Variants in MACROD2 observed in about 807,000 individuals in gnomAD.
The protein encoded by MACROD2 is ADP-ribose glycohydrolase MACROD2.
In MACROD2, 36 loss-of-function variants were observed where a neutral mutation model predicts 70.4. The ratio of observed to expected loss-of-function variants is 0.51; its 90% CI spans 0.39 to 0.68. The LOEUF is 0.68. MACROD2 is among the 30% of genes least tolerant of loss of function. The pLI is 0.00. For missense variants in MACROD2, 496 were observed against 538.4 expected, an observed-to-expected ratio of 0.92 and a Z score of 0.78; for synonymous variants, 172 against 178.8, an observed-to-expected ratio of 0.96 and a Z score of 0.30.
At chr20:14,340,271 G>A (rs888132766) in intron 3 of MACROD2, among the ~76,000 whole-genome samples, 1 of 152,176 alleles carries the variant, frequency 6.6e-6, no homozygotes, top group African/African-American at 2.4e-5. Flanking sequence ...ATGGGCTTCA[G>A]AGATTAGCAC....
At chr20:15,188,819 A>G (rs561536148) in intron 5 of MACROD2, among the ~76,000 whole-genome samples, 37 of 152,218 alleles carry the variant, frequency 2.4e-4, no homozygotes, top group African/African-American at 8.7e-4. Flanking sequence ...GTCCCCCCTA[A>G]AATAGTAAGA....
intron 8 of MACROD2, among the ~76,000 whole-genome samples, chr20:15,634,592 C>T (rs556387822): frequency 3.3e-5 from 5 of 152,316 alleles, no homozygotes; most frequent in Admixed American, 6.5e-5. Context: ...ACGTTACTTA[C>T]CTTATGGGGA....
At chr20:15,341,735 G>T (rs2078111932) in intron 6 of MACROD2, among the ~76,000 whole-genome samples, 1 of 152,150 alleles carries the variant, frequency 6.6e-6, no homozygotes, top group African/African-American at 2.4e-5. Flanking sequence ...AATGAAAGAA[G>T]TAAAAGTAGA....
At chr20:15,372,950 G>T (rs908230469) in intron 6 of MACROD2, among the ~76,000 whole-genome samples, 1 of 152,106 alleles carries the variant, frequency 6.6e-6, no homozygotes, top group East Asian at 1.9e-4. Flanking sequence ...TGCTTGGGAG[G>T]TTGGGGCAGA....
rs73597704 is a variant in MACROD2 at position 15,898,786 on chromosome 20, G to T, written c.775+12975G>T. ...CTTGATCCTGGCACTTTATCATTTCGGTTTCAAGAATTTCCCTTACAAAAG... is the reference window on the plus strand; with the variant it reads ...CTTGATCCTGGCACTTTATCATTTCTGTTTCAAGAATTTCCCTTACAAAAG... On this transcript the variant is annotated intron_variant, in intron 10 of 17. Coordinates refer to ENST00000684519, the MANE Select transcript of MACROD2 (RefSeq NM_001351661.2). 3.9e-3 allele frequency among the ~76,000 whole-genome samples: 586 copies of T among 151,772 alleles called. 2 individuals carry two copies. The highest frequency in any genetic ancestry group is 0.023 in the South Asian group (112 of 4,798).
intron 4 of MACROD2, among the ~76,000 whole-genome samples, chr20:14,563,897 C>A (rs560964342): frequency 3.4e-4 from 52 of 151,938 alleles, no homozygotes; most frequent in Middle Eastern, 3.4e-3. Flanking sequence ...TGAAAGCAAT[C>A]GTAAGCAAAA....
intron 3 of MACROD2, among the ~76,000 whole-genome samples, chr20:14,135,579 G>T (rs1206442286): frequency 1.3e-5 from 2 of 152,062 alleles, no homozygotes; most frequent in African/African-American, 2.4e-5. Flanking sequence ...GAGAGGCTGA[G>T]GTGGGAAGAT....
At chr20:15,541,314 A>G (rs1195562255) in intron 8 of MACROD2, among the ~76,000 whole-genome samples, 2 of 152,190 alleles carry the variant, frequency 1.3e-5, no homozygotes, top group East Asian at 3.9e-4. Flanking sequence ...TTGAATTTAA[A>G]AAGTATTTAA....
chr20:14,495,296 T>C (rs2084841114), intron 4 of MACROD2, among the ~76,000 whole-genome samples: 1 of 152,120 alleles, frequency 6.6e-6, no homozygotes, highest in Admixed American at 6.6e-5. Context: ...CATACTTAGA[T>C]GACCTCAGGG....
intron 5 of MACROD2, among the ~76,000 whole-genome samples, chr20:14,969,739 T>G (rs2074673265): frequency 6.6e-6 from 1 of 152,196 alleles, no homozygotes. Flanking sequence ...TTAAAGAGTT[T>G]TATTCATTTA....
intron 4 of MACROD2, among the ~76,000 whole-genome samples, chr20:14,660,864 C>A (rs1300961563): frequency 6.6e-6 from 1 of 152,050 alleles, no homozygotes; most frequent in African/African-American, 2.4e-5. Flanking sequence ...ATCCATGTTG[C>A]TGCAAAGGAC....
chr20:14,291,922 T>C (rs748947832), intron 3 of MACROD2, among the ~76,000 whole-genome samples: 10 of 151,696 alleles, frequency 6.6e-5, no homozygotes, highest in Non-Finnish European at 1.5e-4. Context: ...ACTAAAGGAG[T>C]GCTCTCAAGA....
intron 6 of MACROD2, among the ~76,000 whole-genome samples, chr20:15,368,404 T>G (rs778955309): frequency 5.9e-5 from 9 of 152,152 alleles, no homozygotes; most frequent in Non-Finnish European, 1.2e-4. Flanking sequence ...CCTCTAAACC[T>G]TGTTTGCCCA....
At chr20:15,755,708 A>G (rs2327965) in intron 8 of MACROD2, among the ~76,000 whole-genome samples, 18,321 of 152,148 alleles carry the variant, frequency 0.12, 2,966 homozygotes, top group African/African-American at 0.37. Context: ...ATTATCATGT[A>G]CCCAACATTG....
rs192632606 is a variant in MACROD2, at chr20:15,382,456, T to G, written c.541-48949T>G. On this transcript the variant is annotated intron_variant, in intron 6 of 17. Transcript: ENST00000684519. ...AATTATATTTATTTTCCCCTTAAAA[T>G]TGAAAAATTTAAGAAAGCAGGGCTT... is the stretch of plus-strand genomic sequence containing the variant. Among the ~76,000 whole-genome samples the G allele has an allele frequency of 2.0e-3, 306 of 152,196 alleles. 2 individuals are homozygous for G. Among genetic ancestry groups the G allele is most frequent in the Non-Finnish European group, 3.5e-3 (236 of 67,990 alleles).
At position 14,641,594 on chromosome 20, in the gene MACROD2, A is replaced by G. The variant is rs185999321; in HGVS notation, c.302-43249A>G. Among the ~76,000 whole-genome samples the G allele has an allele frequency of 5.6e-4, 86 of 152,332 alleles. 2 individuals are homozygous for G. Among genetic ancestry groups the G allele is most frequent in the African/African-American group, 2.0e-3 (83 of 41,574 alleles). On this transcript the variant is annotated intron_variant, in intron 4 of 17. Transcript: ENST00000684519. ...AAAATTGCTCCTTGATTGATGGGCT[A>G]CAGAATGGATGTTATGTTAGCATGC...
At chr20:14,328,631 A>G (rs1032790837) in intron 3 of MACROD2, among the ~76,000 whole-genome samples, 1 of 152,066 alleles carries the variant, frequency 6.6e-6, no homozygotes, top group African/African-American at 2.4e-5. Flanking sequence ...CAATGCACAT[A>G]TATTATTTTC....
intron 3 of MACROD2, among the ~76,000 whole-genome samples, chr20:14,404,157 A>C (rs1024897402): frequency 2.6e-5 from 4 of 152,296 alleles, no homozygotes; most frequent in African/African-American, 9.6e-5. Context: ...TAGAGACACA[A>C]CACATGAAAG....
At chr20:14,997,933 G>C (rs1600927302) in intron 5 of MACROD2, among the ~76,000 whole-genome samples, 1 of 152,270 alleles carries the variant, frequency 6.6e-6, no homozygotes, top group Non-Finnish European at 1.5e-5. Context: ...AGAGAGTAAG[G>C]GGAGAGAACA....
Sources: gnomAD v4.1 joint callset for allele counts (sites outside exome capture counted in the v4.1 genomes callset) on GRCh38, gnomAD v4.1.1 for gene constraint, MANE v1.5 for transcripts, NCBI Gene and HGNC (gene_info 2026-07-23, HGNC 2026-07-21) for gene names.